The following KIF16B variants were observed in gnomAD, a reference collection of about 807,000 sequenced individuals.
KIF16B encodes kinesin family member 16B.
In KIF16B, 98 loss-of-function variants were observed where a neutral mutation model predicts 156.3. The observed-to-expected ratio is 0.63, with a 90% CI of 0.53 to 0.74. The LOEUF (loss-of-function observed/expected upper bound fraction) is 0.74. KIF16B is among the 30% of genes least tolerant of loss of function. The pLI is 0.00. For synonymous variants in KIF16B, 564 were observed against 583.7 expected, an observed-to-expected ratio of 0.97 and a Z score of 0.49; for missense variants, 1,421 against 1,606.5, an observed-to-expected ratio of 0.88 and a Z score of 1.97.
chr20:16,367,987 A>G, intron 22 of KIF16B: 4 of 1,436,132 alleles, frequency 2.8e-6, no homozygotes, highest in Middle Eastern at 2.3e-4. Flanking sequence ...ATTATCTGAC[A>G]GGACCAAAGC....
chr20:16,314,045 C>A (rs1408592646), intron 24 of KIF16B, among the ~76,000 whole-genome samples: 2 of 152,204 alleles, frequency 1.3e-5, no homozygotes, highest in African/African-American at 4.8e-5. Context: ...GTAACTGACA[C>A]TCCTATCAGA....
Position 16,557,605 on chromosome 20 carries a change from C to T in KIF16B, c.47+15624G>A, listed in dbSNP as rs538413077. The stretch of plus-strand genomic sequence containing the variant: ...GAAGAATCTGAGGCTCAGAGAAGTA[C>T]AATAATACATCCAAGCTCACAAAAT... On this transcript the variant is annotated intron_variant, in intron 1 of 25. Coordinates refer to ENST00000354981, the MANE Select transcript of KIF16B (RefSeq NM_024704.5). Among the ~76,000 whole-genome samples, 14 of 152,242 alleles carry T rather than the reference C, an allele frequency of 9.2e-5. No homozygotes were observed. The South Asian group carries it at 2.7e-3, about 29-fold the overall frequency.
intron 12 of KIF16B, among the ~76,000 whole-genome samples, chr20:16,487,494 A>G (rs2068155914): frequency 6.6e-6 from 1 of 152,098 alleles, no homozygotes. Context: ...TTCTCCACAA[A>G]ATGGAAAACT....
At chr20:16,495,905 G>A (rs2068439234) in intron 11 of KIF16B, among the ~76,000 whole-genome samples, 1 of 152,132 alleles carries the variant, frequency 6.6e-6, no homozygotes, top group African/African-American at 2.4e-5. Context: ...CACCCAGGCT[G>A]GTCTTGAGCT....
chr20:16,478,970 CAT>C (rs896015854), intron 12 of KIF16B, among the ~76,000 whole-genome samples: 91 of 152,276 alleles, frequency 6.0e-4, no homozygotes, highest in African/African-American at 2.1e-3. Flanking sequence ...CTAACAGAAA[CAT>C]GTGCATACAT....
chr20:16,567,469 T>C (rs1272029681), intron 1 of KIF16B, among the ~76,000 whole-genome samples: 1 of 152,182 alleles, frequency 6.6e-6, no homozygotes, highest in Non-Finnish European at 1.5e-5. Flanking sequence ...GTGTATTCTC[T>C]GATCGGCATT....
chr20:16,552,083 T>G (rs187790213), intron 1 of KIF16B, among the ~76,000 whole-genome samples: 55 of 152,358 alleles, frequency 3.6e-4, no homozygotes, highest in Non-Finnish European at 6.8e-4. Context: ...AGCATCACTC[T>G]TCCACTCTTT....
At chr20:16,472,348 G>A (rs1363163545) in intron 12 of KIF16B, among the ~76,000 whole-genome samples, 7 of 152,052 alleles carry the variant, frequency 4.6e-5, no homozygotes. Flanking sequence ...GATTATTCCA[G>A]TGAGGTGGAA....
At chr20:16,367,243 A>G (rs767483712) in intron 22 of KIF16B, 2 of 1,612,904 alleles carry the variant, frequency 1.2e-6, no homozygotes, top group South Asian at 1.1e-5. Flanking sequence ...ACTGCCTTGA[A>G]GATACAATGG....
intron 15 of KIF16B, among the ~76,000 whole-genome samples, chr20:16,409,339 C>A (rs1022882142): frequency 6.6e-6 from 1 of 151,596 alleles, no homozygotes; most frequent in Non-Finnish European, 1.5e-5. Flanking sequence ...GCAAAGGGAA[C>A]AAGAGTGAGC....
chr20:16,440,867 T>C (rs138545404), intron 12 of KIF16B, among the ~76,000 whole-genome samples: 85 of 152,330 alleles, frequency 5.6e-4, no homozygotes, highest in Admixed American at 2.0e-3. Context: ...GAGAAGATGC[T>C]GTGTGGATCT....
chr20:16,312,552 G>A (rs977079527), intron 24 of KIF16B, 134 bp from the exon 25 acceptor site: 21 of 682,720 alleles, frequency 3.1e-5, no homozygotes, highest in Non-Finnish European at 4.4e-5. Flanking sequence ...GGTGGGTCCT[G>A]CCTTGCTTTA....
chr20:16,381,069 C>T (rs142746573), intron 18 of KIF16B, among the ~76,000 whole-genome samples: 17 of 152,218 alleles, frequency 1.1e-4, no homozygotes, highest in Admixed American at 2.0e-4. Flanking sequence ...CTTTGGTCTA[C>T]GTCTTGGCTG....
intron 25 of KIF16B, among the ~76,000 whole-genome samples, chr20:16,307,186 T>C (rs1487933506): frequency 6.6e-6 from 1 of 152,224 alleles, no homozygotes; most frequent in Non-Finnish European, 1.5e-5. Flanking sequence ...TGGAAACTTT[T>C]GTGGTTTTAG....
chr20:16,533,481 C>G (rs2069834344), intron 1 of KIF16B, among the ~76,000 whole-genome samples: 1 of 152,170 alleles, frequency 6.6e-6, no homozygotes, highest in South Asian at 2.1e-4. Context: ...ATAGATGGGT[C>G]TTAGGTTTAC....
intron 19 of KIF16B, among the ~76,000 whole-genome samples, chr20:16,375,252 AGTTATTTAAACACGG>A: frequency 6.6e-6 from 1 of 152,326 alleles, no homozygotes; most frequent in East Asian, 1.9e-4. Context: ...AGCTTGGGGA[AGTTATTTAAACACGG>A]GTCTCAATTT....
intron 1 of KIF16B, among the ~76,000 whole-genome samples, chr20:16,549,032 T>C (rs1355683043): frequency 7.6e-6 from 1 of 132,038 alleles, no homozygotes; most frequent in Non-Finnish European, 1.7e-5. Context: ...TTATGTTTTT[T>C]TTTCGTTAGT....
chr20:16,380,402 T>C (rs2065067112), intron 18 of KIF16B, among the ~76,000 whole-genome samples: 1 of 152,244 alleles, frequency 6.6e-6, no homozygotes, highest in Non-Finnish European at 1.5e-5. Flanking sequence ...ATATCATTTC[T>C]TTGTAGAGCA....
chr20:16,277,667 C>A (rs895627563), intron 25 of KIF16B, among the ~76,000 whole-genome samples: 5 of 151,962 alleles, frequency 3.3e-5, no homozygotes, highest in African/African-American at 1.2e-4. Context: ...AAAAATCAGT[C>A]CAGGTGTCAA....
Sources: allele counts gnomAD v4.1 joint callset (sites outside exome capture counted in the v4.1 genomes callset), GRCh38; gene constraint gnomAD v4.1.1; transcripts MANE v1.5; gene names NCBI Gene and HGNC (gene_info 2026-07-23, HGNC 2026-07-21).